Variants in ADRM1 observed in about 807,000 individuals in gnomAD.
The protein encoded by ADRM1 is proteasomal ubiquitin receptor ADRM1.
ADRM1 carries 2 observed loss-of-function variants against 40.1 expected under a neutral mutation model. The ratio of observed to expected loss-of-function variants is 0.05; its 90% CI spans 0.02 to 0.16. ADRM1 has a LOEUF of 0.16. Among genes scored for constraint, ADRM1 ranks in the 10% least tolerant of loss-of-function variants. The pLI is 1.00. For synonymous variants in ADRM1, 287 were observed against 240.4 expected (o/e 1.19, Z -1.79); for missense variants, 467 against 552.5 (o/e 0.85, Z 1.55).
Position 62,307,833 on chromosome 20 carries a change from C to A in ADRM1, c.856+5C>A. On this transcript the variant is annotated splice_donor_5th_base_variant and intron_variant, in intron 7 of 9. Coordinates refer to ENST00000253003, the MANE Select transcript of ADRM1 (RefSeq NM_007002.4). Reference sequence around the variant, plus strand: ...GGCCAGCAGGCGGCCAGCAAGGTAACGTGTGCTGTCGCCTGGAGCTGGGTG... The same window carrying A: ...GGCCAGCAGGCGGCCAGCAAGGTAAAGTGTGCTGTCGCCTGGAGCTGGGTG... The A allele has an allele frequency of 6.3e-7, 1 of 1,593,524 alleles. No homozygotes were observed. Among genetic ancestry groups the A allele is most frequent in the Admixed American group, 1.7e-5 (1 of 57,408 alleles).
At chr20:62,306,837 C>A in intron 5 of ADRM1, 103 bp downstream of exon 5, 1 of 1,155,012 alleles carries the variant, frequency 8.7e-7, no homozygotes. Flanking sequence ...TGCGTAGTGT[C>A]GGGGAGCCTG....
At chr20:62,303,813 G>A (rs1601227481) in intron 2 of ADRM1, 32 bp downstream of exon 2, 1 of 1,596,906 alleles carries the variant, frequency 6.3e-7, no homozygotes, top group East Asian at 2.2e-5. Context: ...CAGCAGGACA[G>A]GCGACTTCTC....
At chr20:62,308,579 G>A (rs933982614) in intron 9 of ADRM1, 76 bp from the exon 10 acceptor site, 49 of 1,580,802 alleles carry the variant, frequency 3.1e-5, no homozygotes, top group Admixed American at 2.0e-4. Context: ...CAGCCCTTCT[G>A]CCCTTGATCC....
intron 2 of ADRM1, 140 bp downstream of exon 2, chr20:62,303,921 G>A (rs535594529): frequency 1.8e-5 from 14 of 791,796 alleles, no homozygotes; most frequent in South Asian, 1.7e-4. Context: ...CTGATGGGTC[G>A]TCCTGGTTTC....
rs367833963 is a variant in ADRM1, at chr20:62,303,821, C to G, written c.213+40C>G. The G allele has an allele frequency of 1.0e-5, 16 of 1,588,270 alleles. No homozygotes were observed. The Admixed American group carries it at 2.0e-4, about 20-fold the overall frequency. On this transcript the variant is annotated intron_variant, in intron 2 of 9. Coordinates refer to ENST00000253003, the MANE Select transcript of ADRM1 (RefSeq NM_007002.4). The stretch of plus-strand genomic sequence containing the variant: ...GCCGCAGCAGCAGGACAGGCGACTT[C>G]TCGGGCCCTCGGAGTCCTCGCTTTG...
chr20:62,308,018 C>T lies in ADRM1; in HGVS notation c.857-3C>T, dbSNP rs746276398. The T allele has an allele frequency of 6.2e-7, 1 of 1,607,126 alleles. No homozygotes were observed. Among genetic ancestry groups the T allele is most frequent in the Non-Finnish European group, 8.5e-7 (1 of 1,176,394 alleles). On this transcript the variant is annotated splice_polypyrimidine_tract_variant and splice_region_variant and intron_variant, in intron 7 of 9. Transcript: ENST00000253003. ...AGCTGATGGCCGTGTTCTTGTGCCC[C>T]AGTGGACCTGGCCAGTGTGCTGACG...
intron 3 of ADRM1, 125 bp from the exon 4 acceptor site, chr20:62,306,072 T>G: frequency 7.5e-7 from 1 of 1,336,284 alleles, no homozygotes; most frequent in Non-Finnish European, 1.0e-6. Context: ...CTCAGCATTG[T>G]GTGGCCAGGC....
chr20:62,304,508 G>A lies in ADRM1; in HGVS notation c.261G>A (p.Gln87=), dbSNP rs1984601474. 6.2e-7 allele frequency: 1 copy of A among 1,614,002 alleles called. No individual in the cohort carries two copies. The highest frequency in any genetic ancestry group is 2.2e-5 in the East Asian group (1 of 44,882). Residue 87 remains glutamine (Q), a synonymous_variant, in exon 3 of 10, where the codon CAG becomes CAA. Coordinates refer to ENST00000253003, the MANE Select transcript of ADRM1 (RefSeq NM_007002.4). ...PDDCEFKRVP[Q]CPSGRVYVLK... is the part of the protein sequence containing the mutation. ...ACTGTGAGTTCAAGCGGGTGCCGCA[G>A]TGCCCCAGCGGGAGGGTCTACGTGC...
chr20:62,308,266 C>A, intron 8 of ADRM1, 88 bp downstream of exon 8: 2 of 1,537,370 alleles, frequency 1.3e-6, no homozygotes, highest in Admixed American at 1.9e-5. Flanking sequence ...TTCACCATGG[C>A]CAGTGCTTCA....
intron 5 of ADRM1, 53 bp from the exon 6 acceptor site, chr20:62,307,318 C>T: frequency 6.5e-7 from 1 of 1,541,520 alleles, no homozygotes; most frequent in Middle Eastern, 2.2e-4. Flanking sequence ...GGGCCAGGCT[C>T]TTTCTGGTGG....
At chr20:62,303,886 C>T (rs1317203838) in intron 2 of ADRM1, 105 bp downstream of exon 2, 2 of 1,148,594 alleles carry the variant, frequency 1.7e-6, no homozygotes, top group Non-Finnish European at 2.5e-6. Context: ...GGGGACCGCT[C>T]GTGGGGCCGT....
intron 5 of ADRM1, 97 bp from the exon 6 acceptor site, chr20:62,307,271 TTGG>T (rs1282573069): frequency 2.3e-5 from 26 of 1,153,080 alleles, no homozygotes; most frequent in Non-Finnish European, 3.0e-5. Context: ...CTTCCTGGCT[TTGG>T]TGTTGGGAAT....
At chr20:62,306,153 G>T in intron 3 of ADRM1, 44 bp from the exon 4 acceptor site, 6 of 1,585,972 alleles carry the variant, frequency 3.8e-6, no homozygotes, top group South Asian at 1.1e-5. Context: ...GGCCCTGGGT[G>T]AGCTGGCGCC....
At position 62,307,626 on chromosome 20, in the gene ADRM1, G is replaced by A. The variant is rs150110881; in HGVS notation, c.654G>A (p.Pro218=). Reference sequence around the variant, plus strand: ...GGAGCCAGTCGGCAGCGGTCACCCCGTCATCCACCACCTCTTCCACCCGTG... The same window carrying A: ...GGAGCCAGTCGGCAGCGGTCACCCCATCATCCACCACCTCTTCCACCCGTG... The part of the protein sequence containing the change: ...SSRSQSAAVT[P]SSTTSSTRAT... The change falls in exon 7 of 10, where the codon CCG becomes CCA. Residue 218 remains proline, a synonymous_variant. Transcript: ENST00000253003. 1,541 of 1,611,600 alleles carry A rather than the reference G, an allele frequency of 9.6e-4. 2 individuals carry two copies. The highest frequency in any genetic ancestry group is 1.2e-3 in the Non-Finnish European group (1,422 of 1,179,858).
chr20:62,305,160 G>A (rs961531469), intron 3 of ADRM1, among the ~76,000 whole-genome samples: 3 of 152,182 alleles, frequency 2.0e-5, no homozygotes, highest in Non-Finnish European at 2.9e-5. Context: ...AGAATTTCCC[G>A]GTACACAGAT....
Position 62,306,193 on chromosome 20 carries a change from G to A in ADRM1, c.331-4G>A. On this transcript the variant is annotated splice_polypyrimidine_tract_variant and splice_region_variant and intron_variant, in intron 3 of 9. Coordinates refer to ENST00000253003, the MANE Select transcript of ADRM1 (RefSeq NM_007002.4). Reference sequence around the variant, plus strand: ...CCTGCCCTTACATGCCCTTCCTCTTGCAGGAACCCAAGACAGACCAGGATG... The same window carrying A: ...CCTGCCCTTACATGCCCTTCCTCTTACAGGAACCCAAGACAGACCAGGATG... 1 of 1,607,240 alleles carries A rather than the reference G, an allele frequency of 6.2e-7. No individual in the cohort carries two copies. Among genetic ancestry groups the A allele is most frequent in the Non-Finnish European group, 8.5e-7 (1 of 1,174,910 alleles).
intron 4 of ADRM1, 148 bp from the exon 5 acceptor site, chr20:62,306,500 T>A (rs1315324983): frequency 2.4e-5 from 31 of 1,283,432 alleles, no homozygotes; most frequent in Non-Finnish European, 3.3e-5. Context: ...AGGACGGGTC[T>A]GCATCCCACC....
chr20:62,307,828 G>A lies in ADRM1; in HGVS notation c.856G>A (p.Val286Met), dbSNP rs1464135850. 13 of 1,601,888 alleles carry A rather than the reference G, an allele frequency of 8.1e-6. No homozygotes were observed. The highest frequency in any genetic ancestry group is 1.1e-5 in the Non-Finnish European group (13 of 1,175,230). The stretch of plus-strand genomic sequence containing the variant: ...AGCCGGGCCAGCAGGCGGCCAGCAA[G>A]GTAACGTGTGCTGTCGCCTGGAGCT... ...VPAGPAGGQQVDLASVLTPEI... is the reference protein window; with the variant it reads ...VPAGPAGGQQMDLASVLTPEI... Residue 286 changes from valine to methionine, a missense_variant and splice_region_variant, in exon 7 of 10, where the codon GTG becomes ATG. Around this residue, in one of 3 missense-constraint regions of ADRM1, gnomAD observed 418 missense variants for 474.6 expected, o/e 0.88. Coordinates refer to ENST00000253003, the MANE Select transcript of ADRM1 (RefSeq NM_007002.4).
chr20:62,305,464 G>C (rs1488302061), intron 3 of ADRM1: 2 of 152,310 alleles, frequency 1.3e-5, no homozygotes, highest in Non-Finnish European at 2.9e-5. Flanking sequence ...TGCAAACACA[G>C]ATGGCGGCCA....
Sources: allele counts gnomAD v4.1 joint callset (sites outside exome capture counted in the v4.1 genomes callset), GRCh38; gene constraint gnomAD v4.1.1; regional missense constraint gnomAD v4.1.1; transcripts MANE v1.5; gene names NCBI Gene and HGNC (gene_info 2026-07-23, HGNC 2026-07-21).